The following CNTNAP5 variants were observed in gnomAD, a reference collection of about 807,000 sequenced individuals.
The protein encoded by CNTNAP5 is contactin associated protein family member 5.
A neutral mutation model predicts 150.2 loss-of-function variants in CNTNAP5; 72 were observed. The ratio of observed to expected loss-of-function variants is 0.48; its 90% CI spans 0.40 to 0.58. The LOEUF (loss-of-function observed/expected upper bound fraction) is 0.58, where lower values mean the gene tolerates loss of function less well. Among genes scored for constraint, CNTNAP5 ranks in the 20% least tolerant of loss-of-function variants. CNTNAP5 has a pLI of 0.00. For synonymous variants in CNTNAP5, 672 were observed against 619.8 expected, an observed-to-expected ratio of 1.08 and a Z score of -1.25; for missense variants, 1,636 against 1,626.2, an observed-to-expected ratio of 1.01 and a Z score of -0.10.
intron 8 of CNTNAP5, among the ~76,000 whole-genome samples, chr2:124,516,313 G>A (rs1183003474): frequency 2.6e-5 from 4 of 151,950 alleles, no homozygotes; most frequent in African/African-American, 9.7e-5. Context: ...TTGACTGTGA[G>A]ACAGTCAACA....
At chr2:124,665,900 T>A (rs930136469) in intron 13 of CNTNAP5, among the ~76,000 whole-genome samples, 11 of 141,098 alleles carry the variant, frequency 7.8e-5, no homozygotes, top group Admixed American at 4.9e-4. Flanking sequence ...AAAAAAAAAA[T>A]TATACATATT....
chr2:124,438,580 G>A (rs777859402), intron 5 of CNTNAP5, among the ~76,000 whole-genome samples: 3 of 152,092 alleles, frequency 2.0e-5, no homozygotes, highest in African/African-American at 4.8e-5. Context: ...CCTGGGGGCC[G>A]AGTACAGGGT....
At chr2:124,676,702 GT>G (rs775847271) in intron 13 of CNTNAP5, among the ~76,000 whole-genome samples, 1 of 152,170 alleles carries the variant, frequency 6.6e-6, no homozygotes, top group African/African-American at 2.4e-5. Context: ...GAGGGTGTTG[GT>G]TTTCGAGGCT....
intron 23 of CNTNAP5, among the ~76,000 whole-genome samples, 176 bp downstream of exon 23, chr2:124,911,714 T>A (rs1678659511): frequency 6.6e-6 from 1 of 152,064 alleles, no homozygotes; most frequent in Non-Finnish European, 1.5e-5. Flanking sequence ...AAAAGCACCC[T>A]CTGCCGACAC....
chr2:124,798,438 TC>T, intron 19 of CNTNAP5, 118 bp downstream of exon 19: 1 of 675,784 alleles, frequency 1.5e-6, no homozygotes, highest in Non-Finnish European at 2.5e-6. Flanking sequence ...GAAGCTTATT[TC>T]CAGACTTCCA....
intron 19 of CNTNAP5, among the ~76,000 whole-genome samples, chr2:124,801,157 GA>G (rs1681958343): frequency 6.6e-6 from 1 of 152,120 alleles, no homozygotes; most frequent in Non-Finnish European, 1.5e-5. Context: ...ATACAACTAA[GA>G]TATGTGCTCA....
chr2:124,754,868 A>G (rs1178925078), intron 14 of CNTNAP5, among the ~76,000 whole-genome samples: 2 of 151,214 alleles, frequency 1.3e-5, no homozygotes, highest in Non-Finnish European at 2.9e-5. Context: ...TTTTTTTTTT[A>G]GGCAGAATGT....
At chr2:124,344,771 A>G (rs942036788) in intron 3 of CNTNAP5, among the ~76,000 whole-genome samples, 2 of 152,086 alleles carry the variant, frequency 1.3e-5, no homozygotes, top group Non-Finnish European at 1.5e-5. Context: ...AAACAAACAA[A>G]CAAAAATGTC....
At chr2:124,293,157 T>A (rs571779084) in intron 3 of CNTNAP5, among the ~76,000 whole-genome samples, 6 of 130,078 alleles carry the variant, frequency 4.6e-5, no homozygotes, top group Non-Finnish European at 7.5e-5. Context: ...ATTTTTAAAT[T>A]TTTTTATACT....
intron 1 of CNTNAP5, among the ~76,000 whole-genome samples, chr2:124,032,567 A>T (rs1342138452): frequency 6.6e-6 from 1 of 152,168 alleles, no homozygotes; most frequent in East Asian, 1.9e-4. Flanking sequence ...AATCTACAAA[A>T]GTTACACAGC....
intron 3 of CNTNAP5, among the ~76,000 whole-genome samples, chr2:124,312,019 G>A (rs1172383170): frequency 1.3e-5 from 2 of 152,162 alleles, no homozygotes; most frequent in African/African-American, 4.8e-5. Context: ...ATGTGGAAAG[G>A]AAACAGAAGG....
At chr2:124,204,465 C>T (rs772276287) in intron 1 of CNTNAP5, among the ~76,000 whole-genome samples, 1 of 152,222 alleles carries the variant, frequency 6.6e-6, no homozygotes, top group Non-Finnish European at 1.5e-5. Flanking sequence ...GTTGCTTTCA[C>T]ATCATTCTGG....
intron 19 of CNTNAP5, among the ~76,000 whole-genome samples, chr2:124,844,455 A>G (rs1683005674): frequency 6.6e-6 from 1 of 151,990 alleles, no homozygotes. Flanking sequence ...CGATGCCTCC[A>G]TATTTGTTCT....
At chr2:124,858,850 G>T (rs1244836675) in intron 19 of CNTNAP5, among the ~76,000 whole-genome samples, 2 of 152,106 alleles carry the variant, frequency 1.3e-5, no homozygotes, top group East Asian at 1.9e-4. Flanking sequence ...AAACTGGCTA[G>T]ACATATGAAG....
At chr2:124,903,509 T>C (rs922311678) in intron 22 of CNTNAP5, among the ~76,000 whole-genome samples, 3 of 152,162 alleles carry the variant, frequency 2.0e-5, no homozygotes, top group African/African-American at 7.2e-5. Context: ...CTTTTTTAGC[T>C]TTATTAAGAA....
At chr2:124,838,539 T>C (rs1184473304) in intron 19 of CNTNAP5, among the ~76,000 whole-genome samples, 1 of 152,202 alleles carries the variant, frequency 6.6e-6, no homozygotes, top group Non-Finnish European at 1.5e-5. Flanking sequence ...GCTGGTGATC[T>C]GGGAAGAAGT....
intron 1 of CNTNAP5, among the ~76,000 whole-genome samples, chr2:124,053,889 T>C (rs1046954829): frequency 2.0e-5 from 3 of 152,212 alleles, no homozygotes; most frequent in Admixed American, 6.5e-5. Flanking sequence ...TCTTAGGAAA[T>C]GTTTCTTAGC....
chr2:124,526,121 T>C (rs1694961444), intron 9 of CNTNAP5, among the ~76,000 whole-genome samples: 1 of 152,230 alleles, frequency 6.6e-6, no homozygotes, highest in African/African-American at 2.4e-5. Flanking sequence ...CCAACATGCC[T>C]CAGAGACAAA....
intron 1 of CNTNAP5, among the ~76,000 whole-genome samples, chr2:124,170,021 CCAAA>C (rs1684893892): frequency 6.6e-6 from 1 of 152,134 alleles, no homozygotes; most frequent in Admixed American, 6.6e-5. Context: ...ACAGCTAAAA[CCAAA>C]CAGACTCAAC....
Sources: allele counts gnomAD v4.1 joint callset (sites outside exome capture counted in the v4.1 genomes callset), GRCh38; gene constraint gnomAD v4.1.1; transcripts MANE v1.5; gene names NCBI Gene and HGNC (gene_info 2026-07-23, HGNC 2026-07-21).